The following DNAH14 variants were observed in gnomAD, a reference collection of about 807,000 sequenced individuals.
The protein encoded by DNAH14 is dynein axonemal heavy chain 14.
In DNAH14, 478 loss-of-function variants were observed where a neutral mutation model predicts 520.9. The observed-to-expected ratio is 0.92, with a 90% confidence interval of 0.85 to 0.99. The LOEUF is 0.99. Ranked by LOEUF, DNAH14 falls within the 50% of genes least tolerant of loss-of-function variation. DNAH14 has a pLI of 0.00. For missense variants in DNAH14, 4,831 were observed against 5,234.5 expected, an observed-to-expected ratio of 0.92 and a Z score of 2.38; for synonymous variants, 1,581 against 1,757.2, an observed-to-expected ratio of 0.90 and a Z score of 2.51.
chr1:225,348,206 A>G (rs752725054), intron 71 of DNAH14, among the ~76,000 whole-genome samples: 7 of 152,138 alleles, frequency 4.6e-5, no homozygotes, highest in Non-Finnish European at 1.0e-4. Flanking sequence ...ATTAAAAAGC[A>G]AAGAGATCCT....
chr1:225,159,632 G>T, intron 35 of DNAH14, 147 bp downstream of exon 35: 1 of 884,058 alleles, frequency 1.1e-6, no homozygotes, highest in South Asian at 2.0e-5. Flanking sequence ...GAGATATATA[G>T]TGCCCCTTGG....
intron 36 of DNAH14, among the ~76,000 whole-genome samples, chr1:225,178,554 A>G (rs2083594750): frequency 6.6e-6 from 1 of 152,176 alleles, no homozygotes; most frequent in African/African-American, 2.4e-5. Context: ...CAGCCAAACT[A>G]TATCAGGCTA....
chr1:225,182,115 T>C (rs1355942938), intron 36 of DNAH14, among the ~76,000 whole-genome samples: 1 of 152,156 alleles, frequency 6.6e-6, no homozygotes, highest in African/African-American at 2.4e-5. Flanking sequence ...GGAGAATCAC[T>C]TGAACCCTGG....
chr1:224,985,995 A>T lies in DNAH14; in HGVS notation c.830+11842A>T, dbSNP rs187577056. Among the ~76,000 whole-genome samples the T allele has an allele frequency of 1.2e-3, 180 of 152,266 alleles. 2 individuals carry two copies. The highest frequency in any genetic ancestry group is 6.8e-3 in the Middle Eastern group (2 of 294). ...TGGGGTAGAAAGTTTATTCAAAGGA[A>T]TAATAACAGAGAACTTCCCAAACCT... On this transcript the variant is annotated intron_variant, in intron 8 of 85. Transcript: ENST00000682510.
intron 27 of DNAH14, among the ~76,000 whole-genome samples, chr1:225,126,540 G>A (rs4475714): frequency 0.082 from 12,453 of 152,086 alleles, 1,646 homozygotes; most frequent in African/African-American, 0.28. Context: ...ATTTCTGTGG[G>A]ATTGGTGGTG....
chr1:225,324,172 G>A (rs992612178), intron 62 of DNAH14, 50 bp from the exon 63 acceptor site: 1 of 1,542,928 alleles, frequency 6.5e-7, no homozygotes, highest in African/African-American at 1.4e-5. Context: ...GAAAACTTCA[G>A]GTGAATAATA....
At chr1:225,040,707 A>G (rs1283466483) in intron 12 of DNAH14, among the ~76,000 whole-genome samples, 1 of 152,156 alleles carries the variant, frequency 6.6e-6, no homozygotes, top group Non-Finnish European at 1.5e-5. Context: ...TATGAACAAG[A>G]GTTACTATTT....
intron 17 of DNAH14, among the ~76,000 whole-genome samples, chr1:225,069,586 C>A (rs1221120358): frequency 6.6e-6 from 1 of 151,804 alleles, no homozygotes; most frequent in African/African-American, 2.4e-5. Context: ...CCTTTTCAGC[C>A]CAGTGCTGCT....
chr1:225,105,493 G>T (rs528542243), intron 23 of DNAH14, among the ~76,000 whole-genome samples: 41 of 152,174 alleles, frequency 2.7e-4, no homozygotes, highest in Non-Finnish European at 4.4e-4. Context: ...GGGTATTAAA[G>T]TCTCCCATTA....
At chr1:224,970,468 AC>A (rs1168254919) in intron 7 of DNAH14, among the ~76,000 whole-genome samples, 1 of 151,984 alleles carries the variant, frequency 6.6e-6, no homozygotes, top group African/African-American at 2.4e-5. Flanking sequence ...GATCTCTGTG[AC>A]CCACACCCTA....
rs578235857 is a variant in DNAH14 at position 225,114,547 on chromosome 1, C to T, written c.3868-3137C>T. 8.5e-5 allele frequency among the ~76,000 whole-genome samples: 13 copies of T among 152,254 alleles called. No individual in the cohort carries two copies. In the South Asian group the frequency reaches 1.2e-3, roughly 15 times the overall value. On this transcript the variant is annotated intron_variant, in intron 23 of 85. Coordinates refer to ENST00000682510, the MANE Select transcript of DNAH14 (RefSeq NM_001367479.1). Reference sequence around the variant, plus strand: ...CAGTCCACTGGCTCTGAGCCCAGCACGGCACTAGGACTTGCCTAGGACTTG... The same window carrying T: ...CAGTCCACTGGCTCTGAGCCCAGCATGGCACTAGGACTTGCCTAGGACTTG...
At chr1:225,316,659 A>G (rs1037329182) in intron 60 of DNAH14, among the ~76,000 whole-genome samples, 4 of 152,054 alleles carry the variant, frequency 2.6e-5, no homozygotes, top group Non-Finnish European at 5.9e-5. Flanking sequence ...ACCCTGCTTC[A>G]GTTCTCCCTC....
In DNAH14 at chr1:224,939,686, C is replaced by CA. The variant is rs1429114705; in HGVS notation, c.-34+9853dup. ...GCAACAGAGTGAGACTCCATCTCAACAACAAAAAAAACTAATCAAAAAACA... is the reference window on the plus strand; with the variant it reads ...GCAACAGAGTGAGACTCCATCTCAACAAACAAAAAAAACTAATCAAAAAACA... On this transcript the variant is annotated intron_variant, in intron 1 of 85. Coordinates refer to ENST00000682510, the MANE Select transcript of DNAH14 (RefSeq NM_001367479.1). Among the ~76,000 whole-genome samples the CA allele has an allele frequency of 2.4e-3, 365 of 150,260 alleles. 1 individual carries two copies. Among genetic ancestry groups the CA allele is most frequent in the African/African-American group, 8.3e-3 (333 of 40,304 alleles).
chr1:225,272,577 G>A (rs1392499143), intron 51 of DNAH14, among the ~76,000 whole-genome samples: 1 of 152,100 alleles, frequency 6.6e-6, no homozygotes, highest in Non-Finnish European at 1.5e-5. Context: ...CTGTGAAATG[G>A]GCTATAACAT....
chr1:225,311,041 T>A (rs1186833699), intron 60 of DNAH14, among the ~76,000 whole-genome samples: 1 of 152,208 alleles, frequency 6.6e-6, no homozygotes, highest in African/African-American at 2.4e-5. Flanking sequence ...CCACAATGGT[T>A]GAACTAATTT....
chr1:224,949,692 T>C (rs1026461434), intron 1 of DNAH14, among the ~76,000 whole-genome samples: 1 of 152,206 alleles, frequency 6.6e-6, no homozygotes, highest in African/African-American at 2.4e-5. Context: ...AATCCCTCTC[T>C]TGTATAAACA....
intron 17 of DNAH14, among the ~76,000 whole-genome samples, chr1:225,072,219 C>A (rs1558862977): frequency 6.6e-6 from 1 of 152,152 alleles, no homozygotes; most frequent in African/African-American, 2.4e-5. Flanking sequence ...TCCCATATTT[C>A]TCAGATATTT....
At chr1:225,218,218 G>C (rs1254150070) in intron 41 of DNAH14, among the ~76,000 whole-genome samples, 4 of 152,140 alleles carry the variant, frequency 2.6e-5, no homozygotes, top group Non-Finnish European at 5.9e-5. Flanking sequence ...AAATTGTAAA[G>C]ATCATCAACA....
chr1:225,379,673 G>A (rs1018355953), intron 79 of DNAH14, among the ~76,000 whole-genome samples: 2 of 151,688 alleles, frequency 1.3e-5, no homozygotes, highest in African/African-American at 2.4e-5. Context: ...GACTACAGGC[G>A]CCCACCATGC....
Sources: allele counts gnomAD v4.1 joint callset (sites outside exome capture counted in the v4.1 genomes callset), GRCh38; gene constraint gnomAD v4.1.1; transcripts MANE v1.5; gene names NCBI Gene and HGNC (gene_info 2026-07-23, HGNC 2026-07-21).